GPX5: variants seen among roughly 807,000 people sequenced by gnomAD.
GPX5 encodes glutathione peroxidase 5, also known as epididymal secretory glutathione peroxidase.
In GPX5, 20 loss-of-function variants were observed where a neutral mutation model predicts 23.8. The ratio of observed to expected loss-of-function variants is 0.84; its 90% CI spans 0.59 to 1.22. The LOEUF (loss-of-function observed/expected upper bound fraction) is 1.22. Ranked by LOEUF, GPX5 falls within the 50% of genes most tolerant of loss-of-function variation. GPX5 has a pLI of 0.00. For synonymous variants in GPX5, 92 were observed against 99.5 expected (o/e 0.92, Z 0.45); for missense variants, 230 against 266.6 (o/e 0.86, Z 0.96).
At chr6:28,532,486 C>A in intron 4 of GPX5, 66 bp downstream of exon 4, 7 of 1,063,328 alleles carry the variant, frequency 6.6e-6, no homozygotes, top group Non-Finnish European at 9.8e-6. Flanking sequence ...GTTGGTGTGG[C>A]AGAAATGGAT....
Position 28,531,445 on chromosome 6 carries a change from T to C in GPX5, c.242-333T>C, listed in dbSNP as rs28382605. 3.3e-3 allele frequency among the ~76,000 whole-genome samples: 499 copies of C among 149,602 alleles called. 3 individuals are homozygous for C. Among genetic ancestry groups the C allele is most frequent in the African/African-American group, 0.012 (484 of 40,548 alleles). On this transcript the variant is annotated intron_variant, in intron 2 of 4. Transcript: ENST00000412168. The stretch of plus-strand genomic sequence containing the variant: ...AAAAGAAAAGTCACCTGTTGAACTT[T>C]TGAATAATAAAGAAGACTAAGCCCC...
chr6:28,528,528 C>G (rs1763248029), intron 1 of GPX5: 1 of 152,020 alleles, frequency 6.6e-6, no homozygotes, highest in Non-Finnish European at 1.5e-5. Flanking sequence ...CAATTTAAAA[C>G]CCTCCCTTCT....
intron 1 of GPX5, chr6:28,528,382 C>T (rs1763245793): frequency 6.6e-6 from 1 of 152,140 alleles, no homozygotes; most frequent in South Asian, 2.1e-4. Context: ...CCCAGGTTCA[C>T]AAAGGAATTT....
chr6:28,531,542 G>T, intron 2 of GPX5, among the ~76,000 whole-genome samples: 1 of 152,128 alleles, frequency 6.6e-6, no homozygotes, highest in Non-Finnish European at 1.5e-5. Flanking sequence ...GCCTTCAGCT[G>T]ATTCTGATGT....
Position 28,532,397 on chromosome 6 carries a change from C to G in GPX5, c.436C>G (p.Gln146Glu). ...AGGGGATGTGAATGGTGAAAAAGAA[C>G]AGAAAGTCTTCAGTTTCTTGAAGGT... The part of the protein sequence containing the change: ...EKGDVNGEKE[Q>E]KVFSFLKHSC... Residue 146 changes from glutamine (Q) to glutamate (E), a missense_variant, in exon 4 of 5, where the codon CAG becomes GAG. Transcript: ENST00000412168. The G allele has an allele frequency of 1.3e-6, 2 of 1,590,782 alleles. No homozygotes were observed. Among genetic ancestry groups the G allele is most frequent in the Middle Eastern group, 1.7e-4 (1 of 5,994 alleles).
In GPX5 at chr6:28,531,822, G is replaced by A; in HGVS notation, c.286G>A (p.Val96Met). The A allele has an allele frequency of 6.2e-7, 1 of 1,613,964 alleles. No homozygotes were observed. The highest frequency in any genetic ancestry group is 8.5e-7 in the Non-Finnish European group (1 of 1,179,908). Reference sequence around the variant, plus strand: ...GGAGCTGAAGCCCTATGGTCTAGTTGTGTTGGGCTTTCCCTGCAACCAATT... The same window carrying A: ...GGAGCTGAAGCCCTATGGTCTAGTTATGTTGGGCTTTCCCTGCAACCAATT... ...QEELKPYGLVVLGFPCNQFGK... is the reference protein window; with the variant it reads ...QEELKPYGLVMLGFPCNQFGK... The change falls in exon 3 of 5, where the codon GTG (valine) becomes ATG (methionine). Residue 96 changes from valine (V) to methionine (M), a missense_variant. By Grantham distance (21) the Val-to-Met change is conservative (BLOSUM62 1). Transcript: ENST00000412168.
intron 4 of GPX5, 89 bp downstream of exon 4, chr6:28,532,509 G>A: frequency 1.2e-6 from 1 of 840,762 alleles, no homozygotes; most frequent in East Asian, 2.8e-5. Flanking sequence ...AAGGGCTCAT[G>A]CCCAGAGGTG....
intron 2 of GPX5, among the ~76,000 whole-genome samples, chr6:28,530,412 A>G (rs1188885315): frequency 6.6e-6 from 1 of 152,050 alleles, no homozygotes; most frequent in Non-Finnish European, 1.5e-5. Context: ...TTTGTTTTTA[A>G]TTATGTTTTG....
chr6:28,532,965 C>A (rs1053661489), intron 4 of GPX5, among the ~76,000 whole-genome samples: 12 of 151,906 alleles, frequency 7.9e-5, no homozygotes, highest in South Asian at 6.2e-4. Context: ...CAAAACAAAT[C>A]AAAAAATTAG....
Sources: allele counts gnomAD v4.1 joint callset (sites outside exome capture counted in the v4.1 genomes callset), GRCh38; gene constraint gnomAD v4.1.1; transcripts MANE v1.5; gene names NCBI Gene and HGNC (gene_info 2026-07-23, HGNC 2026-07-21).